ADGRB2: variants seen among roughly 807,000 people sequenced by gnomAD.
ADGRB2 encodes brain-specific angiogenesis inhibitor 2.
In ADGRB2, 47 loss-of-function variants were observed where a neutral mutation model predicts 178.7. The ratio of observed to expected loss-of-function variants is 0.26; its 90% CI spans 0.21 to 0.34. The LOEUF (loss-of-function observed/expected upper bound fraction) is 0.34. ADGRB2 is among the 10% of genes least tolerant of loss of function. The probability of loss-of-function intolerance (pLI) is 1.00; values close to 1 mark genes in which losing one functional copy is unlikely to be tolerated. For missense variants in ADGRB2, 1,584 were observed against 2,180.8 expected (o/e 0.73, Z 5.45); for synonymous variants, 870 against 912.4 (o/e 0.95, Z 0.84).
intron 27 of ADGRB2, 126 bp downstream of exon 27, chr1:31,732,391 C>G (rs1645335901): frequency 1.6e-6 from 2 of 1,259,860 alleles, no homozygotes; most frequent in African/African-American, 3.0e-5. Flanking sequence ...AGTGGCTGAG[C>G]CTGAATCAAA....
rs1647039009 is a variant in ADGRB2 at position 31,761,404 on chromosome 1, G to A, written c.-191+2480C>T. ...TTCCTGATGGTGTCTGACCTCCTGGGGTCAGTAGAGGCTCTTCTGTGGCTG... is the reference window on the plus strand; with the variant it reads ...TTCCTGATGGTGTCTGACCTCCTGGAGTCAGTAGAGGCTCTTCTGTGGCTG... On this transcript the variant is annotated intron_variant, in intron 1 of 32. Transcript: ENST00000373658. This position sits in a 1 kb window ranked among gnomAD's most constrained non-coding sequence, Gnocchi z 4.2. Among the ~76,000 whole-genome samples the A allele has an allele frequency of 6.6e-6, 1 of 152,210 alleles. No individual in the cohort carries two copies. Among genetic ancestry groups the A allele is most frequent in the Admixed American group, 6.5e-5 (1 of 15,294 alleles).
intron 26 of ADGRB2, 99 bp from the exon 27 acceptor site, chr1:31,732,711 G>A: frequency 1.4e-6 from 2 of 1,385,462 alleles, no homozygotes; most frequent in South Asian, 1.2e-5. Context: ...AAGTGTAGAA[G>A]GAAGGCAACA....
In ADGRB2 at chr1:31,735,682, G is replaced by A; in HGVS notation, c.3268-17C>T. The A allele has an allele frequency of 6.3e-7, 1 of 1,585,732 alleles. No homozygotes were observed. Among genetic ancestry groups the A allele is most frequent in the South Asian group, 1.2e-5 (1 of 86,858 alleles). ...CATGTTCACCTGGGGGCCCAGTAGA[G>A]TGGAGTGGGGGAGACAGGATCACCA... On this transcript the variant is annotated splice_polypyrimidine_tract_variant and intron_variant, in intron 23 of 32. Coordinates refer to ENST00000373658, the MANE Select transcript of ADGRB2 (RefSeq NM_001364857.2). The surrounding 1 kb of genome is among the most constrained non-coding windows in gnomAD (Gnocchi z 6.0).
chr1:31,732,551 G>T lies in ADGRB2; in HGVS notation c.3686C>A (p.Pro1229His), dbSNP rs971695404. ...VCRADESEDS[P>H]DSCKNGQLQI... ...CAGCTGCCCGTTCTTACACGAGTCA[G>T]GGGAGTCTTCGCTCTCATCAGCCCG... The change falls in exon 27 of 33, where the codon CCT (proline) becomes CAT (histidine). Residue 1229 changes from proline to histidine, a missense_variant. This residue lies in a region of ADGRB2 where 865 missense variants were observed against 1,192.8 expected (regional missense o/e 0.73). Transcript: ENST00000373658. The T allele has an allele frequency of 1.9e-6, 3 of 1,614,184 alleles. No individual in the cohort carries two copies. The Admixed American group carries it at 5.0e-5, about 27-fold the overall frequency.
chr1:31,744,566 C>T lies in ADGRB2; in HGVS notation c.922+82G>A, dbSNP rs747053757. On this transcript the variant is annotated intron_variant, in intron 5 of 32. Coordinates refer to ENST00000373658, the MANE Select transcript of ADGRB2 (RefSeq NM_001364857.2). This position sits in a 1 kb window ranked among gnomAD's most constrained non-coding sequence, Gnocchi z 6.7. ...GACTGAACTGCAGGACAGAGACAGA[C>T]AGGCACACACCAAGCACACACACCA... The T allele has an allele frequency of 5.2e-6, 8 of 1,528,274 alleles. No individual in the cohort carries two copies. Among genetic ancestry groups the T allele is most frequent in the Non-Finnish European group, 7.2e-6 (8 of 1,117,432 alleles). The allele number at this position is 1,528,274 out of a possible 1,614,324, so 94.7% of individuals were successfully genotyped here. A position where few individuals can be genotyped will look rare whatever the true frequency, so the allele number is the denominator to read the frequency against.
At chr1:31,745,085 G>A (rs535616079) in intron 4 of ADGRB2, among the ~76,000 whole-genome samples, 4 of 152,332 alleles carry the variant, frequency 2.6e-5, no homozygotes, top group Admixed American at 6.5e-5. Flanking sequence ...TCCTCTCACT[G>A]GAAAGAAGAA....
Position 31,733,038 on chromosome 1 carries a change from G to A in ADGRB2, c.3558C>T (p.Leu1186=). The A allele has an allele frequency of 6.3e-7, 1 of 1,576,038 alleles. No homozygotes were observed. Among genetic ancestry groups the A allele is most frequent in the Non-Finnish European group, 8.6e-7 (1 of 1,161,058 alleles). ...CCTGCGCGGAGTTGAAGACAGCAAA[G>A]AGGGCCTGGAAGAGGACGGAACGGC... The part of the protein sequence containing the change: ...TDRRSVLFQA[L]FAVFNSAQGF... The change falls in exon 26 of 33, where the codon CTC becomes CTT. Residue 1186 remains leucine (L), a synonymous_variant. Coordinates refer to ENST00000373658, the MANE Select transcript of ADGRB2 (RefSeq NM_001364857.2). The surrounding 1 kb of genome is among the most constrained non-coding windows in gnomAD (Gnocchi z 4.3).
chr1:31,739,280 G>A, intron 15 of ADGRB2, 28 bp downstream of exon 15: 1 of 1,443,366 alleles, frequency 6.9e-7, no homozygotes, highest in Non-Finnish European at 9.1e-7. Flanking sequence ...ACCCTCAGCA[G>A]CCCCAGCCAC....
rs909080337 is a variant in ADGRB2, at chr1:31,756,330, G to C, written c.507C>G (p.Ala169=). ...GGGCAGCGGGCGCCAGCAGGCGCGG[G>C]GCCTCGGAGGGCTCAGCCGACAGGC... ...QLCLSAEPSE[A]PRLLAPAALA... The change falls in exon 4 of 33, where the codon GCC becomes GCG. Residue 169 remains alanine, a synonymous_variant. Coordinates refer to ENST00000373658, the MANE Select transcript of ADGRB2 (RefSeq NM_001364857.2). The surrounding 1 kb of genome is among the most constrained non-coding windows in gnomAD (Gnocchi z 8.5). 1 of 1,612,838 alleles carries C rather than the reference G, an allele frequency of 6.2e-7. No homozygotes were observed. The highest frequency in any genetic ancestry group is 1.3e-5 in the African/African-American group (1 of 74,950).
intron 4 of ADGRB2, among the ~76,000 whole-genome samples, chr1:31,749,303 T>C (rs1044510329): frequency 5.3e-5 from 8 of 152,112 alleles, no homozygotes; most frequent in African/African-American, 9.7e-5. Context: ...AGCCAGAGTG[T>C]GAAACTCTGA....
chr1:31,737,349 G>T (rs1460478521), intron 20 of ADGRB2, 80 bp downstream of exon 20: 1 of 1,344,922 alleles, frequency 7.4e-7, no homozygotes, highest in Non-Finnish European at 1.1e-6. Flanking sequence ...GGACGTACAA[G>T]CAAACACACA....
chr1:31,750,933 C>T (rs1282782495), intron 4 of ADGRB2, among the ~76,000 whole-genome samples: 3 of 152,112 alleles, frequency 2.0e-5, no homozygotes, highest in Admixed American at 6.6e-5. Context: ...CTCAGCCTCC[C>T]ACCACAGAGA....
At chr1:31,750,830 G>A (rs1434738219) in intron 4 of ADGRB2, among the ~76,000 whole-genome samples, 5 of 152,038 alleles carry the variant, frequency 3.3e-5, no homozygotes, top group African/African-American at 1.2e-4. Flanking sequence ...GCAGTCCAAT[G>A]AAACTGGGTA....
intron 4 of ADGRB2, among the ~76,000 whole-genome samples, chr1:31,749,964 AAG>A (rs1363961097): frequency 2.6e-5 from 4 of 152,142 alleles, no homozygotes; most frequent in Non-Finnish European, 1.5e-5. Flanking sequence ...GAAAGAAAGA[AAG>A]AGAAAAAGAA....
chr1:31,764,166 C>A lies in ADGRB2; in HGVS notation c.-473G>T. The A allele has an allele frequency of 1.8e-6, 1 of 557,998 alleles. No homozygotes were observed. Among genetic ancestry groups the A allele is most frequent in the Non-Finnish European group, 2.3e-6 (1 of 443,180 alleles). The allele number at this position is 557,998 out of a possible 1,614,324, so 34.6% of individuals were successfully genotyped here. On this transcript the variant is annotated 5_prime_UTR_variant, in exon 1 of 33. Coordinates refer to ENST00000373658, the MANE Select transcript of ADGRB2 (RefSeq NM_001364857.2). The surrounding 1 kb of genome is among the most constrained non-coding windows in gnomAD (Gnocchi z 7.3). ...CGCCCCCCGCTCCCCCGCTCCCCCG[C>A]CCCGAGCACCGCCCGCGCCGCGCGC...
chr1:31,732,730 C>T, intron 26 of ADGRB2, 118 bp from the exon 27 acceptor site: 1 of 1,275,436 alleles, frequency 7.8e-7, no homozygotes, highest in Non-Finnish European at 1.1e-6. Flanking sequence ...CACATCCAAC[C>T]TTGGGGAAGG....
Position 31,744,142 on chromosome 1 carries a change from G to A in ADGRB2, c.1087+51C>T, listed in dbSNP as rs1646143544. The stretch of plus-strand genomic sequence containing the variant: ...TGGAGATTAATCTGCCCAAGTCCCA[G>A]GCAGGACCTAACCCTGCAGGCAGGT... On this transcript the variant is annotated intron_variant, in intron 6 of 32. Coordinates refer to ENST00000373658, the MANE Select transcript of ADGRB2 (RefSeq NM_001364857.2). The surrounding 1 kb of genome is among the most constrained non-coding windows in gnomAD (Gnocchi z 6.7). 7.5e-6 allele frequency: 11 copies of A among 1,474,826 alleles called. No homozygotes were observed. The highest frequency in any genetic ancestry group is 3.6e-6 in the Non-Finnish European group (4 of 1,108,578). 91.4% of individuals were successfully genotyped at this position (1,474,826 alleles called of 1,614,324 possible).
chr1:31,739,610 G>A lies in ADGRB2; in HGVS notation c.2193C>T (p.Val731=). ...NLVISIQREP[V]SAVSSDITFP... is the part of the protein sequence containing the mutation. ...ACGTGATGTCACTGGACACAGCTGAGACGGGCTCTCGCTGAATGCTGATCA... is the reference window on the plus strand; with the variant it reads ...ACGTGATGTCACTGGACACAGCTGAAACGGGCTCTCGCTGAATGCTGATCA... The change falls in exon 15 of 33, where the codon GTC becomes GTT. Residue 731 remains valine, a synonymous_variant. Transcript: ENST00000373658. 1 of 1,598,168 alleles carries A rather than the reference G, an allele frequency of 6.3e-7. No homozygotes were observed. Among genetic ancestry groups the A allele is most frequent in the Non-Finnish European group, 8.5e-7 (1 of 1,170,826 alleles).
At chr1:31,743,051 C>T in intron 6 of ADGRB2, 49 bp from the exon 7 acceptor site, 1 of 1,357,902 alleles carries the variant, frequency 7.4e-7, no homozygotes, top group Non-Finnish European at 9.5e-7. Flanking sequence ...TGGCCCCGCC[C>T]ACCACCGGCG....
Sources: gnomAD v4.1 joint callset for allele counts (sites outside exome capture counted in the v4.1 genomes callset) on GRCh38, gnomAD v4.1.1 for gene constraint, gnomAD v4.1.1 regional missense constraint, Gnocchi (gnomAD v3.1) non-coding constraint, MANE v1.5 for transcripts, NCBI Gene and HGNC (gene_info 2026-07-23, HGNC 2026-07-21) for gene names.